Variants in ARHGAP24 observed in about 807,000 individuals in gnomAD.
The protein encoded by ARHGAP24 is Rho GTPase activating protein 24, also known as rho GTPase-activating protein 24.
Under a neutral mutation model 76.4 loss-of-function variants are expected in ARHGAP24, and 50 were observed. The observed-to-expected ratio is 0.65, with a 90% CI of 0.52 to 0.83. The LOEUF is 0.83. ARHGAP24 is among the 40% of genes least tolerant of loss of function. ARHGAP24 has a pLI of 0.00. For synonymous variants in ARHGAP24, 345 were observed against 323.3 expected (o/e 1.07, Z -0.72); for missense variants, 930 against 914.2 (o/e 1.02, Z -0.22).
At chr4:85,894,989 C>CAAAAAAAAAAAAAAAAAAAAAAAA (rs1734079077) in intron 3 of ARHGAP24, among the ~76,000 whole-genome samples, 1 of 17,220 alleles carries the variant, frequency 5.8e-5, no homozygotes, top group Non-Finnish European at 1.1e-4. Context: ...AAAAAAAAAA[C>CAAAAAAAAAAAAAAAAAAAAAAAA]AAAACAAAAA....
intron 3 of ARHGAP24, among the ~76,000 whole-genome samples, chr4:85,853,414 C>T (rs749587618): frequency 3.9e-5 from 6 of 152,196 alleles, no homozygotes; most frequent in Non-Finnish European, 4.4e-5. Flanking sequence ...GGGAAATCTT[C>T]TGACCCCTTG....
At chr4:85,855,978 C>G (rs1731535520) in intron 3 of ARHGAP24, among the ~76,000 whole-genome samples, 2 of 152,036 alleles carry the variant, frequency 1.3e-5, no homozygotes, top group South Asian at 4.1e-4. Flanking sequence ...TATGAACATT[C>G]ATGTAGAAGA....
chr4:85,754,595 G>T (rs901553322), intron 3 of ARHGAP24, among the ~76,000 whole-genome samples: 4 of 152,134 alleles, frequency 2.6e-5, no homozygotes, highest in South Asian at 2.1e-4. Flanking sequence ...AATTTTAAAG[G>T]TCCCACTTAG....
At chr4:85,702,128 T>C (rs1724114023) in intron 2 of ARHGAP24, among the ~76,000 whole-genome samples, 1 of 152,192 alleles carries the variant, frequency 6.6e-6, no homozygotes, top group African/African-American at 2.4e-5. Context: ...AAGATATATG[T>C]ATATAATATA....
At chr4:85,611,688 A>G (rs1157332113) in intron 2 of ARHGAP24, among the ~76,000 whole-genome samples, 2 of 152,224 alleles carry the variant, frequency 1.3e-5, no homozygotes, top group African/African-American at 2.4e-5. Flanking sequence ...ATTCAGGTAC[A>G]TAAGCCTGTG....
At chr4:85,908,858 A>AAAG in intron 3 of ARHGAP24, among the ~76,000 whole-genome samples, 1 of 152,222 alleles carries the variant, frequency 6.6e-6, no homozygotes, top group Non-Finnish European at 1.5e-5. Context: ...AGATAATTAA[A>AAAG]AAGAAAAAAA....
At chr4:85,915,579 C>A (rs952953170) in intron 3 of ARHGAP24, among the ~76,000 whole-genome samples, 5 of 151,636 alleles carry the variant, frequency 3.3e-5, no homozygotes, top group Non-Finnish European at 7.4e-5. Flanking sequence ...TAGCCCCCCA[C>A]GCCCCAATAA....
At position 85,717,364 on chromosome 4, in the gene ARHGAP24, C is replaced by T. The variant is rs148287709; in HGVS notation, c.181-4521C>T. 1.6e-3 allele frequency among the ~76,000 whole-genome samples: 239 copies of T among 152,114 alleles called. 1 individual carries two copies. Among genetic ancestry groups the T allele is most frequent in the African/African-American group, 5.6e-3 (232 of 41,534 alleles). On this transcript the variant is annotated intron_variant, in intron 2 of 9. Transcript: ENST00000395184. ...CTGCCAACACGTTTCTTGACCTTAC[C>T]CTCTTATATCAAATTAATTGCTTTA...
chr4:85,992,456 G>A (rs138283487), intron 8 of ARHGAP24, among the ~76,000 whole-genome samples: 29 of 152,192 alleles, frequency 1.9e-4, no homozygotes, highest in Middle Eastern at 6.8e-3. Context: ...TAAGGATGTT[G>A]CTCTTCAATT....
chr4:85,566,945 T>G (rs2109960830), intron 1 of ARHGAP24, among the ~76,000 whole-genome samples: 1 of 152,172 alleles, frequency 6.6e-6, no homozygotes, highest in East Asian at 1.9e-4. Context: ...TAGGCAGAAA[T>G]CAGCAAGGGA....
chr4:85,813,818 T>TTTTATATATATATATATATATA (rs1553932187), intron 3 of ARHGAP24, among the ~76,000 whole-genome samples: 1 of 137,158 alleles, frequency 7.3e-6, no homozygotes, highest in African/African-American at 2.8e-5. Context: ...TATATTTATT[T>TTTTATATATATATATATATATA]TATATATATA....
chr4:85,552,931 G>C (rs150341673), intron 1 of ARHGAP24, among the ~76,000 whole-genome samples: 2 of 152,164 alleles, frequency 1.3e-5, no homozygotes, highest in African/African-American at 4.8e-5. Flanking sequence ...TGCATTCTTG[G>C]TCTCGCTGGT....
intron 3 of ARHGAP24, among the ~76,000 whole-genome samples, chr4:85,840,147 G>A (rs1178263182): frequency 2.0e-5 from 3 of 147,460 alleles, no homozygotes; most frequent in Non-Finnish European, 4.6e-5. Flanking sequence ...TTACAGGCAT[G>A]AGCCACCACG....
At position 85,660,794 on chromosome 4, in the gene ARHGAP24, C is replaced by CAAAAAAAAAAAAAAAAAAA. The variant is rs34228407; in HGVS notation, c.181-61086_181-61068dup. Among the ~76,000 whole-genome samples, 6 of 59,436 alleles carry CAAAAAAAAAAAAAAAAAAA rather than the reference C, an allele frequency of 1.0e-4. 1 individual carries two copies. Among genetic ancestry groups the CAAAAAAAAAAAAAAAAAAA allele is most frequent in the Admixed American group, 5.6e-4 (2 of 3,562 alleles). The allele number at this position is 59,436 out of a possible 152,430, so 39.0% of individuals were successfully genotyped here. Reference sequence around the variant, plus strand: ...CTGGTGACAGAGAGAGACTCCGTCTCAAAAAAAAAAAAAAAAAAAAAAATC... The same window carrying CAAAAAAAAAAAAAAAAAAA: ...CTGGTGACAGAGAGAGACTCCGTCTCAAAAAAAAAAAAAAAAAAAAAAAAAAAAAAAAAAAAAAAAAATC... On this transcript the variant is annotated intron_variant, in intron 2 of 9. Transcript: ENST00000395184.
intron 3 of ARHGAP24, among the ~76,000 whole-genome samples, chr4:85,788,153 C>T (rs62315356): frequency 0.26 from 39,663 of 151,952 alleles, 5,470 homozygotes; most frequent in African/African-American, 0.31. Flanking sequence ...TGCCTATGTG[C>T]GCAGGAGATG....
intron 1 of ARHGAP24, among the ~76,000 whole-genome samples, chr4:85,551,705 C>A (rs570069631): frequency 7.9e-5 from 12 of 152,146 alleles, no homozygotes; most frequent in East Asian, 3.9e-4. Context: ...TTTTGGAACT[C>A]ATTATTGGTC....
intron 2 of ARHGAP24, chr4:85,686,477 C>CGAA (rs760237580): frequency 6.6e-6 from 1 of 152,104 alleles, no homozygotes; most frequent in Non-Finnish European, 1.5e-5. Flanking sequence ...AACAAGAAAA[C>CGAA]GAAGTCCTGG....
chr4:85,912,529 G>T (rs890424509), intron 3 of ARHGAP24, among the ~76,000 whole-genome samples: 3 of 152,118 alleles, frequency 2.0e-5, no homozygotes, highest in Non-Finnish European at 4.4e-5. Context: ...GTCATTTGCT[G>T]GGTGGAATAA....
intron 6 of ARHGAP24, among the ~76,000 whole-genome samples, chr4:85,973,947 A>G (rs1739161221): frequency 7.1e-6 from 1 of 141,830 alleles, no homozygotes; most frequent in African/African-American, 2.7e-5. Context: ...GGTTCACACC[A>G]TTCTCCTGCC....
Sources: allele counts gnomAD v4.1 joint callset (sites outside exome capture counted in the v4.1 genomes callset), GRCh38; gene constraint gnomAD v4.1.1; transcripts MANE v1.5; gene names NCBI Gene and HGNC (gene_info 2026-07-23, HGNC 2026-07-21).